KATNAL1: variants seen among roughly 807,000 people sequenced by gnomAD.
KATNAL1 encodes the protein katanin p60 ATPase-containing subunit A-like 1.
In KATNAL1, 32 loss-of-function variants were observed where a neutral mutation model predicts 55.2. The ratio of observed to expected loss-of-function variants is 0.58; its 90% CI spans 0.44 to 0.78. The LOEUF (loss-of-function observed/expected upper bound fraction) is 0.78, where lower values mean the gene tolerates loss of function less well. KATNAL1 is among the 30% of genes least tolerant of loss of function. The pLI is 0.00. For synonymous variants in KATNAL1, 193 were observed against 193.6 expected, an observed-to-expected ratio of 1.00 and a Z score of 0.02; for missense variants, 466 against 600.9, an observed-to-expected ratio of 0.78 and a Z score of 2.35.
At chr13:30,243,809 C>T (rs896920375) in intron 4 of KATNAL1, among the ~76,000 whole-genome samples, 1 of 152,106 alleles carries the variant, frequency 6.6e-6, no homozygotes, top group Non-Finnish European at 1.5e-5. Context: ...GATGTCTAAG[C>T]TTAATTATAG....
chr13:30,260,166 CTGTT>C (rs747114535), intron 3 of KATNAL1, among the ~76,000 whole-genome samples: 19 of 152,162 alleles, frequency 1.2e-4, no homozygotes, highest in Admixed American at 5.9e-4. Context: ...AGGGTCCTGT[CTGTT>C]AGAAGGAAAA....
chr13:30,240,866 G>T, intron 5 of KATNAL1, 93 bp downstream of exon 5: 2 of 1,139,984 alleles, frequency 1.8e-6, no homozygotes, highest in Non-Finnish European at 2.5e-6. Context: ...GTCATAATCA[G>T]ATTAATGAAT....
At chr13:30,248,969 G>C (rs150072010) in intron 4 of KATNAL1, among the ~76,000 whole-genome samples, 3,741 of 152,118 alleles carry the variant, frequency 0.025, 67 homozygotes, top group Middle Eastern at 0.055. Context: ...TGAGGCAGGA[G>C]AATGGCGTGA....
At chr13:30,211,158 T>C (rs1873654095) in intron 9 of KATNAL1, among the ~76,000 whole-genome samples, 1 of 152,204 alleles carries the variant, frequency 6.6e-6, no homozygotes, top group Non-Finnish European at 1.5e-5. Flanking sequence ...GCTCTACTAT[T>C]TCCTGAGATA....
intron 3 of KATNAL1, among the ~76,000 whole-genome samples, chr13:30,274,907 G>GCGCGCGCACACACACACACACA (rs869107567): frequency 9.5e-6 from 1 of 105,390 alleles, no homozygotes; most frequent in Non-Finnish European, 1.9e-5. Context: ...GCGCGCGCGC[G>GCGCGCGCACACACACACACACA]CACACACACA....
At chr13:30,293,638 G>A (rs1432749793) in intron 1 of KATNAL1, among the ~76,000 whole-genome samples, 1 of 152,128 alleles carries the variant, frequency 6.6e-6, no homozygotes, top group Non-Finnish European at 1.5e-5. Context: ...CAAAGGTAAA[G>A]AACATTTCCA....
chr13:30,210,672 A>C, intron 9 of KATNAL1: 1 of 261,158 alleles, frequency 3.8e-6, no homozygotes, highest in Non-Finnish European at 6.7e-6. Flanking sequence ...AAAAAAAAAC[A>C]CCAAAAACCA....
intron 1 of KATNAL1, among the ~76,000 whole-genome samples, chr13:30,289,592 T>A (rs955202832): frequency 2.6e-5 from 4 of 152,252 alleles, no homozygotes; most frequent in African/African-American, 9.6e-5. Flanking sequence ...TCTGGTAATA[T>A]CAGTGTATAT....
intron 4 of KATNAL1, among the ~76,000 whole-genome samples, chr13:30,243,098 C>T (rs893683650): frequency 1.3e-5 from 2 of 152,094 alleles, no homozygotes; most frequent in African/African-American, 2.4e-5. Flanking sequence ...GAATTCTTTC[C>T]TTAGATTTTC....
At chr13:30,294,692 T>C (rs1484606792) in intron 1 of KATNAL1, among the ~76,000 whole-genome samples, 3 of 152,236 alleles carry the variant, frequency 2.0e-5, no homozygotes, top group Admixed American at 1.3e-4. Context: ...AATAGCCTTC[T>C]ATTGGAAAAA....
At chr13:30,269,866 G>A (rs971187117) in intron 3 of KATNAL1, among the ~76,000 whole-genome samples, 23 of 150,484 alleles carry the variant, frequency 1.5e-4, no homozygotes, top group Admixed American at 6.6e-4. Flanking sequence ...AGTGAGGAGC[G>A]TCTCCGCCCG....
intron 6 of KATNAL1, among the ~76,000 whole-genome samples, chr13:30,239,617 T>C (rs1217089548): frequency 6.6e-6 from 1 of 151,402 alleles, no homozygotes; most frequent in Non-Finnish European, 1.5e-5. Flanking sequence ...TGCCAATAAA[T>C]ACTACAAAAG....
chr13:30,223,194 C>A (rs1315053657), intron 9 of KATNAL1, among the ~76,000 whole-genome samples: 1 of 151,998 alleles, frequency 6.6e-6, no homozygotes, highest in East Asian at 1.9e-4. Context: ...AATCCCAGCA[C>A]TTCGGGAGGC....
At chr13:30,210,122 G>C (rs1873531689) in intron 10 of KATNAL1, among the ~76,000 whole-genome samples, 194 bp downstream of exon 10, 1 of 150,920 alleles carries the variant, frequency 6.6e-6, no homozygotes, top group Non-Finnish European at 1.5e-5. Flanking sequence ...AACGACCACT[G>C]CTATATAATT....
chr13:30,272,845 AATTT>A (rs1314234393), intron 3 of KATNAL1, among the ~76,000 whole-genome samples: 1 of 152,228 alleles, frequency 6.6e-6, no homozygotes, highest in Admixed American at 6.5e-5. Context: ...ACTGGATCAG[AATTT>A]AGACCCTGAA....
In KATNAL1 at chr13:30,208,550, C is replaced by T; in HGVS notation, c.1463G>A (p.Gly488Glu). ...AGAGCTGACAGAAATTCAAGCAGAT[C>T]CAAATTCAACCATCCATTTTTCATA... is the stretch of plus-strand genomic sequence containing the variant. The part of the protein sequence containing the change: ...EKYEKWMVEF[G>E]SA Residue 488 changes from glycine to glutamate, a missense_variant, in exon 11 of 11, where the codon GGA becomes GAA. Gly to Glu is a moderately conservative substitution (Grantham distance 98). Around this residue, in one of 3 missense-constraint regions of KATNAL1, gnomAD observed 213 missense variants for 308.6 expected, o/e 0.69. Transcript: ENST00000380615. 1 of 1,566,684 alleles carries T rather than the reference C, an allele frequency of 6.4e-7. No individual in the cohort carries two copies. The highest frequency in any genetic ancestry group is 8.7e-7 in the Non-Finnish European group (1 of 1,152,694).
At chr13:30,226,194 A>G (rs1306542283) in intron 9 of KATNAL1, among the ~76,000 whole-genome samples, 1 of 152,232 alleles carries the variant, frequency 6.6e-6, no homozygotes, top group Non-Finnish European at 1.5e-5. Context: ...AAATGGTATG[A>G]CCATTCTGAA....
At chr13:30,274,891 ACG>A (rs138328965) in intron 3 of KATNAL1, among the ~76,000 whole-genome samples, 4,588 of 122,016 alleles carry the variant, frequency 0.038, 131 homozygotes, top group African/African-American at 0.079. Flanking sequence ...GCACACACAT[ACG>A]CGCGCGCGCG....
At chr13:30,255,407 G>A (rs778109912) in intron 4 of KATNAL1, 40 bp downstream of exon 4, 3 of 1,405,704 alleles carry the variant, frequency 2.1e-6, no homozygotes, top group Non-Finnish European at 2.8e-6. Flanking sequence ...CAAAAGTCCT[G>A]GGCTTCAAGT....
Sources: gnomAD v4.1 joint callset for allele counts (sites outside exome capture counted in the v4.1 genomes callset) on GRCh38, gnomAD v4.1.1 for gene constraint, gnomAD v4.1.1 regional missense constraint, MANE v1.5 for transcripts, NCBI Gene and HGNC (gene_info 2026-07-23, HGNC 2026-07-21) for gene names.